The following COQ8A variants were observed in gnomAD, a reference collection of about 807,000 sequenced individuals.
The protein encoded by COQ8A is coenzyme Q8A.
Under a neutral mutation model 65.0 loss-of-function variants are expected in COQ8A, and 51 were observed. The ratio of observed to expected loss-of-function variants is 0.78; its 90% CI spans 0.63 to 0.99. The LOEUF (loss-of-function observed/expected upper bound fraction) is 0.99. Ranked by LOEUF, COQ8A falls within the 50% of genes least tolerant of loss-of-function variation. COQ8A has a pLI of 0.00. For synonymous variants in COQ8A, 371 were observed against 353.2 expected (o/e 1.05, Z -0.57); for missense variants, 940 against 875.0 (o/e 1.07, Z -0.94).
Position 226,982,115 on chromosome 1 carries a change from G to C in COQ8A, c.819G>C (p.Ala273=). ...IVRTLCKVRG[A]ALKLGQMLSI... Reference sequence around the variant, plus strand: ...GCACGCTCTGCAAGGTGCGTGGTGCGGCACTCAAGCTGGGCCAGATGCTGA... The same window carrying C: ...GCACGCTCTGCAAGGTGCGTGGTGCCGCACTCAAGCTGGGCCAGATGCTGA... The change falls in exon 6 of 15, where the codon GCG becomes GCC. Residue 273 remains alanine, a synonymous_variant. Transcript: ENST00000366777. 1 of 1,607,770 alleles carries C rather than the reference G, an allele frequency of 6.2e-7. No homozygotes were observed.
chr1:226,973,043 C>A (rs1658989027), intron 4 of COQ8A, among the ~76,000 whole-genome samples: 1 of 152,200 alleles, frequency 6.6e-6, no homozygotes, highest in Non-Finnish European at 1.5e-5. Flanking sequence ...ACCTTCAGGA[C>A]CCCCTGCAAC....
intron 4 of COQ8A, among the ~76,000 whole-genome samples, chr1:226,966,013 C>T (rs2148065081): frequency 6.6e-6 from 1 of 152,398 alleles, no homozygotes; most frequent in Non-Finnish European, 1.5e-5. Flanking sequence ...CAGGCCTCGC[C>T]TGGAGGCGGT....
chr1:226,985,167 G>GGGCTC (rs1291621820), intron 13 of COQ8A, 87 bp from the exon 14 acceptor site: 7 of 1,438,938 alleles, frequency 4.9e-6, no homozygotes, highest in South Asian at 2.3e-5. Flanking sequence ...AGGGTGGGGT[G>GGGCTC]GGCTCGGGTG....
chr1:226,972,178 A>G lies in COQ8A; in HGVS notation c.656-5271A>G, dbSNP rs1658946651. 6.6e-6 allele frequency among the ~76,000 whole-genome samples: 1 copy of G among 152,194 alleles called. No homozygotes were observed. The highest frequency in any genetic ancestry group is 1.5e-5 in the Non-Finnish European group (1 of 68,038). ...AGAGAAGACTTGCCAGAAGGAGTTG[A>G]GCACTGCTTTGTGCATAGCTCTGTG... On this transcript the variant is annotated intron_variant, in intron 4 of 14. Transcript: ENST00000366777. The surrounding 1 kb of genome is among the most constrained non-coding windows in gnomAD (Gnocchi z 4.3).
chr1:226,942,658 T>G (rs1289474), intron 1 of COQ8A, among the ~76,000 whole-genome samples: 85,785 of 152,028 alleles, frequency 0.56, 25,099 homozygotes, highest in African/African-American at 0.72. Context: ...GCCTGCATCT[T>G]CAGGGAGTGA....
chr1:226,985,860 T>A (rs1660075508), intron 14 of COQ8A, among the ~76,000 whole-genome samples: 1 of 152,138 alleles, frequency 6.6e-6, no homozygotes, highest in Admixed American at 6.5e-5. Context: ...TTGAGGCTTG[T>A]CAGTATCTCT....
chr1:226,977,508 T>C lies in COQ8A; in HGVS notation c.715T>C (p.Ser239Pro). ...AGAGGTCGCCAAGAAGAGCCTGCGC[T>C]CCGAGGACCCCTCAGGTGAGCCGGG... Reference protein sequence around the residue: ...LAEVAKKSLRSEDPSGKKAVL... With the variant: ...LAEVAKKSLRPEDPSGKKAVL... The change falls in exon 5 of 15, where the codon TCC becomes CCC. Residue 239 changes from serine to proline, a missense_variant. Physicochemically the swap from Ser to Pro is moderately conservative, Grantham distance 74 (BLOSUM62 -1). Coordinates refer to ENST00000366777, the MANE Select transcript of COQ8A (RefSeq NM_020247.5). 2 of 1,563,084 alleles carry C rather than the reference T, an allele frequency of 1.3e-6. No homozygotes were observed.
At position 226,965,085 on chromosome 1, in the gene COQ8A, G is replaced by T. The variant is rs141687205; in HGVS notation, c.263G>T (p.Gly88Val). The part of the protein sequence containing the change: ...EFHFSVPHAA[G>V]ASTDFSSASA... Reference sequence around the variant, plus strand: ...CACTTCTCAGTCCCGCATGCAGCCGGAGCCTCCACAGACTTCTCTTCAGCC... The same window carrying T: ...CACTTCTCAGTCCCGCATGCAGCCGTAGCCTCCACAGACTTCTCTTCAGCC... The change falls in exon 3 of 15, where the codon GGA becomes GTA. Residue 88 changes from glycine to valine, a missense_variant. Gly to Val is a moderately radical substitution (Grantham distance 109, BLOSUM62 -3). Transcript: ENST00000366777. 6.2e-6 allele frequency: 10 copies of T among 1,613,954 alleles called. No homozygotes were observed. In the African/African-American group the frequency reaches 9.3e-5, roughly 15 times the overall value.
chr1:226,987,035 A>C lies in COQ8A; in HGVS notation c.*298A>C. 1 of 466,526 alleles carries C rather than the reference A, an allele frequency of 2.1e-6. No individual in the cohort carries two copies. The highest frequency in any genetic ancestry group is 2.1e-5 in the South Asian group (1 of 46,662). The allele number at this position is 466,526 out of a possible 1,614,324, so 28.9% of individuals were successfully genotyped here. On this transcript the variant is annotated 3_prime_UTR_variant, in exon 15 of 15. Transcript: ENST00000366777. ...TGTTTTCTTCTTTTTCCTGATGTGA[A>C]TGTTAAGCAGAAGGGAGAGAGTCCT...
At chr1:226,978,863 CCTTACACACCCT>C (rs1456726836) in intron 5 of COQ8A, among the ~76,000 whole-genome samples, 3 of 126,338 alleles carry the variant, frequency 2.4e-5, no homozygotes, top group Non-Finnish European at 5.5e-5. Flanking sequence ...CTGCACACCA[CCTTACACACCCT>C]CCACACACCC....
intron 4 of COQ8A, among the ~76,000 whole-genome samples, chr1:226,968,589 G>T (rs1037519105): frequency 1.1e-4 from 16 of 152,148 alleles, no homozygotes; most frequent in Non-Finnish European, 1.0e-4. Flanking sequence ...GAGGAAAGGT[G>T]TTTTTCAGGT....
chr1:226,977,921 C>G (rs1659347372), intron 5 of COQ8A, among the ~76,000 whole-genome samples: 1 of 150,140 alleles, frequency 6.7e-6, no homozygotes, highest in Non-Finnish European at 1.5e-5. Context: ...GCACACCTTA[C>G]ACACCCCTTG....
rs1032468838 is a variant in COQ8A at position 226,946,979 on chromosome 1, G to C, written c.-10+6580G>C. ...CTGGAACCAAGCTTTGCCTCTAGTG[G>C]GTAGGATCACTGGTGCTGAGAATTG... On this transcript the variant is annotated intron_variant, in intron 1 of 14. Coordinates refer to ENST00000366777, the MANE Select transcript of COQ8A (RefSeq NM_020247.5). The surrounding 1 kb of genome is among the most constrained non-coding windows in gnomAD (Gnocchi z 5.3). 1.3e-5 allele frequency among the ~76,000 whole-genome samples: 2 copies of C among 152,216 alleles called. No individual in the cohort carries two copies. The highest frequency in any genetic ancestry group is 4.8e-5 in the African/African-American group (2 of 41,450).
Position 226,974,198 on chromosome 1 carries a change from T to C in COQ8A, c.656-3251T>C, listed in dbSNP as rs573303347. 1.4e-3 allele frequency among the ~76,000 whole-genome samples: 219 copies of C among 152,262 alleles called. 1 individual carries two copies. The highest frequency in any genetic ancestry group is 8.8e-3 in the Admixed American group (134 of 15,296). Reference sequence around the variant, plus strand: ...GTGGGGGACTGGGCTCCAGAAGTCATAGGAGGTTGGCCTGCAGCCTGTGTT... The same window carrying C: ...GTGGGGGACTGGGCTCCAGAAGTCACAGGAGGTTGGCCTGCAGCCTGTGTT... On this transcript the variant is annotated intron_variant, in intron 4 of 14. Coordinates refer to ENST00000366777, the MANE Select transcript of COQ8A (RefSeq NM_020247.5).
At position 226,984,553 on chromosome 1, in the gene COQ8A, C is replaced by T. The variant is rs1400569881; in HGVS notation, c.1404C>T (p.Cys468=). ...GLSQEIRNEI[C]YNILVLCLRE... is the part of the protein sequence containing the mutation. ...ACCCTTCGCGCTGTCCACAGATCTG[C>T]TACAACATCCTGGTTCTGTGCCTGA... The change falls in exon 12 of 15, where the codon TGC becomes TGT. Residue 468 remains cysteine (C), a synonymous_variant. Coordinates refer to ENST00000366777, the MANE Select transcript of COQ8A (RefSeq NM_020247.5). The T allele has an allele frequency of 2.5e-6, 4 of 1,613,434 alleles. No homozygotes were observed. The highest frequency in any genetic ancestry group is 3.4e-6 in the Non-Finnish European group (4 of 1,179,322).
At position 226,965,014 on chromosome 1, in the gene COQ8A, T is replaced by A; in HGVS notation, c.192T>A (p.His64Gln). Residue 64 changes from histidine to glutamine, a missense_variant, in exon 3 of 15, where the codon CAT becomes CAA. Physicochemically the swap from His to Gln is conservative, Grantham distance 24 (BLOSUM62 0). Coordinates refer to ENST00000366777, the MANE Select transcript of COQ8A (RefSeq NM_020247.5). ...FLGKVQGQDK[H>Q]EEYFAENFGG... is the part of the protein sequence containing the mutation. ...GCTCCCTGCAGGGTCAGGATAAACA[T>A]GAAGAATATTTTGCTGAGAACTTCG... The A allele has an allele frequency of 6.2e-7, 1 of 1,613,990 alleles. No homozygotes were observed. Among genetic ancestry groups the A allele is most frequent in the East Asian group, 2.2e-5 (1 of 44,856 alleles).
intron 4 of COQ8A, among the ~76,000 whole-genome samples, chr1:226,970,248 T>C (rs190243366): frequency 2.0e-5 from 3 of 152,356 alleles, no homozygotes; most frequent in Non-Finnish European, 4.4e-5. Flanking sequence ...CCACCGCACC[T>C]GGCCCTCATG....
At position 226,977,511 on chromosome 1, in the gene COQ8A, G is replaced by A. The variant is rs550525094; in HGVS notation, c.718G>A (p.Glu240Lys). The A allele has an allele frequency of 5.8e-6, 9 of 1,562,296 alleles. No individual in the cohort carries two copies. The highest frequency in any genetic ancestry group is 1.9e-5 in the Admixed American group (1 of 51,830). The part of the protein sequence containing the change: ...AEVAKKSLRS[E>K]DPSGKKAVLG... The stretch of plus-strand genomic sequence containing the variant: ...GGTCGCCAAGAAGAGCCTGCGCTCC[G>A]AGGACCCCTCAGGTGAGCCGGGCCC... Residue 240 changes from glutamate to lysine, a missense_variant, in exon 5 of 15, where the codon GAG becomes AAG. Transcript: ENST00000366777.
chr1:226,975,450 CTT>C (rs1659135643), intron 4 of COQ8A, among the ~76,000 whole-genome samples: 1 of 152,162 alleles, frequency 6.6e-6, no homozygotes, highest in South Asian at 2.1e-4. Flanking sequence ...TGTTTGGAGA[CTT>C]TGTGCACACA....
Sources: allele counts gnomAD v4.1 joint callset (sites outside exome capture counted in the v4.1 genomes callset), GRCh38; gene constraint gnomAD v4.1.1; non-coding constraint Gnocchi (gnomAD v3.1); transcripts MANE v1.5; gene names NCBI Gene and HGNC (gene_info 2026-07-23, HGNC 2026-07-21).